The following CNR2 variants were observed in gnomAD, a reference collection of about 807,000 sequenced individuals.
CNR2 encodes the protein cannabinoid receptor 2.
For synonymous variants in CNR2, 172 were observed against 182.2 expected (o/e 0.94, Z 0.45); for missense variants, 379 against 439.9 (o/e 0.86, Z 1.24).
At chr1:23,912,674 C>T (rs1286404522) in intron 1 of CNR2, among the ~76,000 whole-genome samples, 1 of 152,226 alleles carries the variant, frequency 6.6e-6, no homozygotes, top group Non-Finnish European at 1.5e-5. Context: ...GTAAGGCCAT[C>T]TCTGTGTGTG....
chr1:23,905,713 C>T (rs1173232585), intron 1 of CNR2, among the ~76,000 whole-genome samples: 2 of 152,102 alleles, frequency 1.3e-5, no homozygotes, highest in Non-Finnish European at 2.9e-5. Context: ...GGCATGAGGA[C>T]TCAGGCCACG....
intron 1 of CNR2, among the ~76,000 whole-genome samples, chr1:23,906,251 G>A (rs951953356): frequency 1.3e-5 from 2 of 152,132 alleles, no homozygotes; most frequent in Admixed American, 6.5e-5. Context: ...TTAAAGCTGT[G>A]TTCTCTCGTG....
In CNR2 at chr1:23,875,001, A is replaced by G. The variant is rs1427539256; in HGVS notation, c.617T>C (p.Ile206Thr). Residue 206 changes from isoleucine to threonine, a missense_variant, in exon 2 of 2, where the codon ATC (isoleucine) becomes ACC (threonine). Transcript: ENST00000374472. ...LFIAFLFSGI[I>T]YTYGHVLWKA... ...CCAGAGAACATGCCCATAGGTGTAG[A>G]TGATTCCGGAAAAGAGGAAGGCGAT... 1 of 1,609,868 alleles carries G rather than the reference A, an allele frequency of 6.2e-7. No individual in the cohort carries two copies. The highest frequency in any genetic ancestry group is 2.2e-5 in the East Asian group (1 of 44,858).
chr1:23,874,298 T>G lies in CNR2; in HGVS notation c.*237A>C. 1 of 492,500 alleles carries G rather than the reference T, an allele frequency of 2.0e-6. No individual in the cohort carries two copies. The highest frequency in any genetic ancestry group is 3.7e-6 in the Non-Finnish European group (1 of 271,580). The allele number at this position is 492,500 out of a possible 1,614,324, so 30.5% of individuals were successfully genotyped here. On this transcript the variant is annotated 3_prime_UTR_variant, in exon 2 of 2. Coordinates refer to ENST00000374472, the MANE Select transcript of CNR2 (RefSeq NM_001841.3). ...TTGTACTGACCCTGTCCCAGGCCTTTTGTGTCTCGCCTACCTGGCTACTCC... is the reference window on the plus strand; with the variant it reads ...TTGTACTGACCCTGTCCCAGGCCTTGTGTGTCTCGCCTACCTGGCTACTCC...
At chr1:23,882,251 C>T (rs1018818882) in intron 1 of CNR2, among the ~76,000 whole-genome samples, 1 of 152,016 alleles carries the variant, frequency 6.6e-6, no homozygotes. Context: ...AAACACACTT[C>T]GGGATCCCTT....
intron 1 of CNR2, chr1:23,902,845 G>C: frequency 4.1e-6 from 5 of 1,228,028 alleles, no homozygotes; most frequent in South Asian, 3.4e-5. Flanking sequence ...TCCTGCCCAC[G>C]GCGGCGCCGG....
chr1:23,875,249 G>T lies in CNR2; in HGVS notation c.369C>A (p.Ser123Arg). Residue 123 changes from serine (S) to arginine (R), a missense_variant, in exon 2 of 2, where the codon AGC (serine) becomes AGA (arginine). By Grantham distance (110) the Ser-to-Arg change is moderately radical. Coordinates refer to ENST00000374472, the MANE Select transcript of CNR2 (RefSeq NM_001841.3). Reference sequence around the variant, plus strand: ...ATCGGTCAATGGCGGTCAGCAGGAGGCTACCCACAGAGGCTGTGAAGGTCA... The same window carrying T: ...ATCGGTCAATGGCGGTCAGCAGGAGTCTACCCACAGAGGCTGTGAAGGTCA... ...VTMTFTASVG[S>R]LLLTAIDRYL... 6.2e-7 allele frequency: 1 copy of T among 1,614,134 alleles called. No homozygotes were observed. The highest frequency in any genetic ancestry group is 2.2e-5 in the East Asian group (1 of 44,818).
intron 1 of CNR2, among the ~76,000 whole-genome samples, chr1:23,882,815 G>C (rs1427160608): frequency 6.6e-6 from 1 of 152,038 alleles, no homozygotes. Flanking sequence ...GCGAGACTCT[G>C]TTCTCAATAA....
intron 1 of CNR2, among the ~76,000 whole-genome samples, chr1:23,904,235 C>G (rs1365303874): frequency 6.8e-6 from 1 of 146,884 alleles, no homozygotes; most frequent in African/African-American, 2.5e-5. Context: ...TGCAGTGGTG[C>G]GATCTCGGCT....
rs1399475448 is a variant in CNR2, at chr1:23,870,980, C to G, written c.*3555G>C. Reference sequence around the variant, plus strand: ...CCAGCCTGGCCAATATGGTGAAATTCCATCTCTACTAACAATACAAAAATT... The same window carrying G: ...CCAGCCTGGCCAATATGGTGAAATTGCATCTCTACTAACAATACAAAAATT... On this transcript the variant is annotated 3_prime_UTR_variant, in exon 2 of 2. Transcript: ENST00000374472. 1 of 151,918 alleles carries G rather than the reference C, an allele frequency of 6.6e-6. No homozygotes were observed. The highest frequency in any genetic ancestry group is 2.4e-5 in the African/African-American group (1 of 41,344). 9.4% of individuals were successfully genotyped at this position (151,918 alleles called of 1,614,324 possible).
chr1:23,913,221 A>G (rs1640615308), intron 1 of CNR2, 25 bp downstream of exon 1: 1 of 162,040 alleles, frequency 6.2e-6, no homozygotes, highest in Non-Finnish European at 1.3e-5. Context: ...GAAGCCTAAA[A>G]TAAACAACAA....
intron 1 of CNR2, among the ~76,000 whole-genome samples, chr1:23,880,150 C>T (rs567254579): frequency 6.6e-6 from 1 of 150,936 alleles, no homozygotes; most frequent in African/African-American, 2.4e-5. Flanking sequence ...CCTGACTACC[C>T]CATGTAATAC....
chr1:23,874,689 G>A lies in CNR2; in HGVS notation c.929C>T (p.Ala310Val), dbSNP rs923029792. ...CTTCCAGTGAGCCAGGCAGTGATGGGCAGAGGAGCGGATCTCTCCACTCCG... is the reference window on the plus strand; with the variant it reads ...CTTCCAGTGAGCCAGGCAGTGATGGACAGAGGAGCGGATCTCTCCACTCCG... ...ALRSGEIRSS[A>V]HHCLAHWKKC... Residue 310 changes from alanine (A) to valine (V), a missense_variant, in exon 2 of 2, where the codon GCC becomes GTC. Physicochemically the swap from Ala to Val is moderately conservative, Grantham distance 64. Transcript: ENST00000374472. 1.3e-5 allele frequency: 21 copies of A among 1,614,094 alleles called. No homozygotes were observed. In the African/African-American group the frequency reaches 2.5e-4, roughly 19 times the overall value.
chr1:23,902,018 G>C (rs1026729022), intron 1 of CNR2: 1 of 1,603,572 alleles, frequency 6.2e-7, no homozygotes, highest in African/African-American at 1.3e-5. Flanking sequence ...CTCCTCCAGA[G>C]TCAGGATGTC....
intron 1 of CNR2, among the ~76,000 whole-genome samples, chr1:23,894,023 A>C (rs555302230): frequency 5.8e-4 from 88 of 151,486 alleles, no homozygotes; most frequent in Non-Finnish European, 1.0e-3. Flanking sequence ...CAGGAAGCTG[A>C]GGTGGTGGAT....
At chr1:23,888,832 G>C (rs1023140005) in intron 1 of CNR2, among the ~76,000 whole-genome samples, 5 of 152,110 alleles carry the variant, frequency 3.3e-5, no homozygotes, top group Non-Finnish European at 7.4e-5. Context: ...AGCCAGGAGT[G>C]GGGGCAGGTG....
intron 1 of CNR2, among the ~76,000 whole-genome samples, chr1:23,901,144 A>T (rs570553375): frequency 6.6e-6 from 1 of 152,168 alleles, no homozygotes; most frequent in Non-Finnish European, 1.5e-5. Flanking sequence ...GCTTGGAACC[A>T]CTTAGTATCC....
intron 1 of CNR2, among the ~76,000 whole-genome samples, chr1:23,912,178 C>T (rs916240585): frequency 2.0e-5 from 3 of 152,180 alleles, no homozygotes; most frequent in Admixed American, 2.0e-4. Context: ...GAGTGATTTG[C>T]ATTAGGCCAT....
In CNR2 at chr1:23,902,338, CCT is replaced by C. The variant is rs1640414985; in HGVS notation, c.-46+10906_-46+10907del. ...CAGCAGCGCTGGGTCAGGTCGGGCT[CCT>C]CAAACAGCCGGCTCTGGGACAGCAG... On this transcript the variant is annotated intron_variant, in intron 1 of 1. Transcript: ENST00000374472. 6 of 1,569,964 alleles carry C rather than the reference CCT, an allele frequency of 3.8e-6. No individual in the cohort carries two copies. In the Admixed American group the frequency reaches 1.1e-4, roughly 28 times the overall value.
Sources: allele counts gnomAD v4.1 joint callset (sites outside exome capture counted in the v4.1 genomes callset), GRCh38; gene constraint gnomAD v4.1.1; transcripts MANE v1.5; gene names NCBI Gene and HGNC (gene_info 2026-07-23, HGNC 2026-07-21).